The following APC variants were observed in gnomAD, a reference collection of about 807,000 sequenced individuals.
APC encodes adenomatous polyposis coli protein.
APC carries 72 observed loss-of-function variants against 247.0 expected under a neutral mutation model. That is an observed-to-expected ratio of 0.29 (90% CI 0.24 to 0.35). The LOEUF (loss-of-function observed/expected upper bound fraction) is 0.35, where lower values mean the gene tolerates loss of function less well. Among genes scored for constraint, APC ranks in the 10% least tolerant of loss-of-function variants. The pLI is 1.00. For synonymous variants in APC, 1,254 were observed against 1,162.5 expected (o/e 1.08, Z -1.60); for missense variants, 3,400 against 3,360.7 (o/e 1.01, Z -0.29).
chr5:112,776,669 C>G (rs531112485), intron 5 of APC, among the ~76,000 whole-genome samples: 3 of 152,224 alleles, frequency 2.0e-5, no homozygotes, highest in African/African-American at 7.2e-5. Context: ...GAAACTCTGT[C>G]TCTACTAAAG....
chr5:112,738,506 CA>C, intron 1 of APC: 1 of 985,112 alleles, frequency 1.0e-6, no homozygotes. Context: ...AAATACTGGT[CA>C]CCAGTAGTGT....
In APC at chr5:112,840,379, C is replaced by G. The variant is rs201287984; in HGVS notation, c.4785C>G (p.Ala1595=). The change falls in exon 16 of 16, where the codon GCC becomes GCG. Residue 1595 remains alanine, a synonymous_variant. Transcript: ENST00000257430. The surrounding 1 kb of genome is among the most constrained non-coding windows in gnomAD (Gnocchi z 4.1). Reference sequence around the variant, plus strand: ...CATCACGTAAAGCAAAAAAGCCAGCCCAGACTGCTTCAAAATTACCTCCAC... The same window carrying G: ...CATCACGTAAAGCAAAAAAGCCAGCGCAGACTGCTTCAAAATTACCTCCAC... ...TKSSRKAKKP[A]QTASKLPPPV... 2.5e-6 allele frequency: 4 copies of G among 1,614,124 alleles called. No homozygotes were observed. The East Asian group carries it at 8.9e-5, about 36-fold the overall frequency.
intron 8 of APC, among the ~76,000 whole-genome samples, chr5:112,805,137 G>C (rs1761243272): frequency 6.6e-6 from 1 of 152,026 alleles, no homozygotes; most frequent in African/African-American, 2.4e-5. Context: ...TGAGTGTTGG[G>C]ATTTTTGTGG....
At chr5:112,733,273 G>A (rs1022601303), upstream of APC, among the ~76,000 whole-genome samples, 2 of 152,208 alleles carry the variant, frequency 1.3e-5, no homozygotes, top group African/African-American at 2.4e-5. Context: ...CTAGTCCCCA[G>A]AATCTATGAA....
chr5:112,738,252 C>T (rs1298086046), intron 1 of APC: 1 of 981,916 alleles, frequency 1.0e-6, no homozygotes, highest in Non-Finnish European at 1.2e-6. Flanking sequence ...ATAACAGTAT[C>T]TAAGGAAACG....
intron 4 of APC, among the ~76,000 whole-genome samples, 181 bp downstream of exon 4, chr5:112,767,571 C>G (rs778394174): frequency 1.3e-5 from 2 of 152,192 alleles, no homozygotes; most frequent in Admixed American, 1.3e-4. Context: ...AAAATATAAA[C>G]AAGGCCGTTT....
rs730881236 is a variant in APC at position 112,821,974 on chromosome 5, A to G, written c.1391A>G (p.His464Arg). Residue 464 changes from histidine (H) to arginine (R), a missense_variant, in exon 11 of 16, where the codon CAT (histidine) becomes CGT (arginine). Coordinates refer to ENST00000257430, the MANE Select transcript of APC (RefSeq NM_000038.6). Reference protein sequence around the residue: ...MKLSFDEEHRHAMNELGGLQA... With the variant: ...MKLSFDEEHRRAMNELGGLQA... ...CTTTCATTTGATGAAGAGCATAGAC[A>G]TGCAATGAATGAACTAGGTAAGACA... The G allele has an allele frequency of 3.7e-6, 6 of 1,611,258 alleles. No homozygotes were observed. The highest frequency in any genetic ancestry group is 2.2e-5 in the East Asian group (1 of 44,792).
At chr5:112,786,119 G>C (rs917893670) in intron 6 of APC, among the ~76,000 whole-genome samples, 3 of 152,128 alleles carry the variant, frequency 2.0e-5, no homozygotes, top group African/African-American at 7.2e-5. Flanking sequence ...GGGTTTTGCT[G>C]GTTGCCCAGG....
chr5:112,817,447 T>C (rs1762626179), intron 9 of APC, among the ~76,000 whole-genome samples: 1 of 152,094 alleles, frequency 6.6e-6, no homozygotes, highest in Non-Finnish European at 1.5e-5. Flanking sequence ...GTGCCAGGAG[T>C]TGTATGTACC....
At chr5:112,784,601 G>A (rs1044375116) in intron 6 of APC, among the ~76,000 whole-genome samples, 4 of 151,988 alleles carry the variant, frequency 2.6e-5, no homozygotes, top group African/African-American at 9.7e-5. Context: ...AGAATAGTGG[G>A]AATATGGTAG....
chr5:112,803,853 A>G (rs1325977398), intron 8 of APC, among the ~76,000 whole-genome samples: 2 of 152,202 alleles, frequency 1.3e-5, no homozygotes, highest in Non-Finnish European at 2.9e-5. Flanking sequence ...TATATCCTTC[A>G]TATTATAATC....
chr5:112,813,559 T>C (rs1390903911), intron 8 of APC, among the ~76,000 whole-genome samples: 2 of 152,170 alleles, frequency 1.3e-5, no homozygotes, highest in African/African-American at 2.4e-5. Flanking sequence ...CTATGTTGTC[T>C]ACCAAAGTGG....
upstream of APC, among the ~76,000 whole-genome samples, chr5:112,735,117 T>A (rs566476110): frequency 4.6e-5 from 7 of 152,248 alleles, no homozygotes; most frequent in East Asian, 1.3e-3. Flanking sequence ...ATAAGAGATA[T>A]GTTTGTCAGT....
At chr5:112,806,136 G>C (rs1379579099) in intron 8 of APC, among the ~76,000 whole-genome samples, 3 of 152,176 alleles carry the variant, frequency 2.0e-5, no homozygotes, top group Non-Finnish European at 4.4e-5. Context: ...GTTCATGTGT[G>C]TCTGAGCTTA....
rs773969436 is a variant in APC, at chr5:112,842,480, A to G, written c.6886A>G (p.Ser2296Gly). 6.2e-7 allele frequency: 1 copy of G among 1,614,050 alleles called. No homozygotes were observed. Among genetic ancestry groups the G allele is most frequent in the Non-Finnish European group, 8.5e-7 (1 of 1,179,956 alleles). The change falls in exon 16 of 16, where the codon AGT (serine) becomes GGT (glycine). Residue 2296 changes from serine (S) to glycine (G), a missense_variant. Around this residue, in one of 9 missense-constraint regions of APC, gnomAD observed 1,788 missense variants for 1,649.5 expected, o/e 1.08. Coordinates refer to ENST00000257430, the MANE Select transcript of APC (RefSeq NM_000038.6). ...GCAGACATCCCAAATAGGTGGGTCA[A>G]GTAAAGCACCTTCTAGATCAGGATC... is the stretch of plus-strand genomic sequence containing the variant. ...ARQTSQIGGSSKAPSRSGSRD... is the reference protein window; with the variant it reads ...ARQTSQIGGSGKAPSRSGSRD...
At chr5:112,829,108 C>CT (rs1396656992) in intron 14 of APC, 136 bp downstream of exon 14, 3 of 664,958 alleles carry the variant, frequency 4.5e-6, no homozygotes, top group Admixed American at 2.6e-5. Flanking sequence ...TCATGTTTAG[C>CT]TTTTTTTGCT....
chr5:112,751,978 A>G (rs1210445927), intron 1 of APC, among the ~76,000 whole-genome samples: 2 of 152,100 alleles, frequency 1.3e-5, no homozygotes, highest in African/African-American at 4.8e-5. Flanking sequence ...TGGCATGAAC[A>G]TATGATTTTT....
chr5:112,838,219 G>A lies in APC; in HGVS notation c.2625G>A (p.Lys875=), dbSNP rs2149873941. 1.2e-6 allele frequency: 2 copies of A among 1,614,190 alleles called. No homozygotes were observed. Among genetic ancestry groups the A allele is most frequent in the South Asian group, 1.1e-5 (1 of 91,080 alleles). The part of the protein sequence containing the change: ...PATENPGTSS[K]RGLQISTTAA... ...CAGAAAATCCAGGAACTTCTTCAAA[G>A]CGAGGTTTGCAGATCTCCACCACTG... Residue 875 remains lysine, a synonymous_variant, in exon 16 of 16, where the codon AAG becomes AAA. Coordinates refer to ENST00000257430, the MANE Select transcript of APC (RefSeq NM_000038.6).
chr5:112,788,742 G>A (rs554621103), intron 6 of APC, among the ~76,000 whole-genome samples: 4 of 152,230 alleles, frequency 2.6e-5, no homozygotes, highest in East Asian at 1.9e-4. Context: ...GCTATTATAA[G>A]TGAGAATTTC....
Sources: gnomAD v4.1 joint callset for allele counts (sites outside exome capture counted in the v4.1 genomes callset) on GRCh38, gnomAD v4.1.1 for gene constraint, gnomAD v4.1.1 regional missense constraint, Gnocchi (gnomAD v3.1) non-coding constraint, MANE v1.5 for transcripts, NCBI Gene and HGNC (gene_info 2026-07-23, HGNC 2026-07-21) for gene names.